Variants in ADAMTS18 observed in about 807,000 individuals in gnomAD.
The protein encoded by ADAMTS18 is ADAM metallopeptidase with thrombospondin type 1 motif 18, also known as A disintegrin and metalloproteinase with thrombospondin motifs 18.
Under a neutral mutation model 165.9 loss-of-function variants are expected in ADAMTS18, and 157 were observed. The ratio of observed to expected loss-of-function variants is 0.95; its 90% CI spans 0.83 to 1.08. The LOEUF is 1.08. Among genes scored for constraint, ADAMTS18 ranks in the 50% least tolerant of loss-of-function variants. The pLI, the probability that ADAMTS18 is intolerant of heterozygous loss-of-function variation, is 0.00. For missense variants in ADAMTS18, 2,040 were observed against 1,534.0 expected (o/e 1.33, Z -5.51); for synonymous variants, 782 against 578.2 (o/e 1.35, Z -5.06).
chr16:77,356,221 T>A, intron 8 of ADAMTS18, 144 bp from the exon 9 acceptor site: 1 of 1,016,908 alleles, frequency 9.8e-7, no homozygotes, highest in Non-Finnish European at 1.5e-6. Flanking sequence ...GAAAGGCAAA[T>A]TACTATAGAT....
At chr16:77,415,586 C>T (rs981080394) in intron 3 of ADAMTS18, among the ~76,000 whole-genome samples, 3 of 152,092 alleles carry the variant, frequency 2.0e-5, no homozygotes, top group African/African-American at 7.2e-5. Flanking sequence ...TCAACGATAT[C>T]TGATGTTCTG....
At chr16:77,336,936 G>C (rs984003803) in intron 11 of ADAMTS18, among the ~76,000 whole-genome samples, 1 of 152,170 alleles carries the variant, frequency 6.6e-6, no homozygotes, top group African/African-American at 2.4e-5. Context: ...GTTTTGCTGA[G>C]GAATTGGGGG....
intron 16 of ADAMTS18, among the ~76,000 whole-genome samples, chr16:77,303,558 C>G (rs1490676151): frequency 3.3e-5 from 5 of 152,010 alleles, no homozygotes; most frequent in African/African-American, 1.2e-4. Flanking sequence ...CATATCTTAC[C>G]ACCTCATATG....
rs114299926 is a variant in ADAMTS18, at chr16:77,283,655, A to G, written c.*301T>C. ...AAGTTCAAAAGGGGGTCTCTCCCCAAATCGACGTATCTCAGTGTGATTCAC... is the reference window on the plus strand; with the variant it reads ...AAGTTCAAAAGGGGGTCTCTCCCCAGATCGACGTATCTCAGTGTGATTCAC... On this transcript the variant is annotated 3_prime_UTR_variant, in exon 23 of 23. Transcript: ENST00000282849. The G allele has an allele frequency of 2.0e-3, 693 of 345,820 alleles. 6 individuals carry two copies. The highest frequency in any genetic ancestry group is 0.013 in the African/African-American group (623 of 47,320). The allele number at this position is 345,820 out of a possible 1,614,324, so 21.4% of individuals were successfully genotyped here. A position where few individuals can be genotyped will look rare whatever the true frequency, so the allele number is the denominator to read the frequency against.
At chr16:77,320,977 C>T in intron 15 of ADAMTS18, 102 bp downstream of exon 15, 1 of 1,389,808 alleles carries the variant, frequency 7.2e-7, no homozygotes, top group Non-Finnish European at 1.0e-6. Flanking sequence ...CTAGTGTGTC[C>T]AGTGAACTAG....
At chr16:77,290,985 A>AACAGCAATGACCAACATTAGCT in intron 21 of ADAMTS18, 1 of 488,966 alleles carries the variant, frequency 2.0e-6, no homozygotes, top group Non-Finnish European at 3.7e-6. Flanking sequence ...CAACATTAGC[A>AACAGCAATGACCAACATTAGCT]GTGTATAACT....
intron 13 of ADAMTS18, among the ~76,000 whole-genome samples, chr16:77,322,860 C>G (rs1292607295): frequency 2.6e-5 from 4 of 151,986 alleles, no homozygotes; most frequent in African/African-American, 7.3e-5. Context: ...AAATACACAC[C>G]AGATTTGGCC....
intron 8 of ADAMTS18, among the ~76,000 whole-genome samples, chr16:77,356,901 C>A (rs906566749): frequency 6.6e-6 from 1 of 150,900 alleles, no homozygotes; most frequent in Non-Finnish European, 1.5e-5. Context: ...TTACTTCAGG[C>A]GATGTTAAAG....
At chr16:77,295,656 T>C (rs1413122395) in intron 18 of ADAMTS18, among the ~76,000 whole-genome samples, 1 of 152,026 alleles carries the variant, frequency 6.6e-6, no homozygotes, top group Non-Finnish European at 1.5e-5. Flanking sequence ...GAGAGAGGGG[T>C]ACATTTAGAG....
intron 10 of ADAMTS18, among the ~76,000 whole-genome samples, chr16:77,348,157 G>C (rs2056504762): frequency 6.6e-6 from 1 of 152,076 alleles, no homozygotes; most frequent in South Asian, 2.1e-4. Context: ...ATCTTGCTCA[G>C]ATTATTTAAC....
intron 16 of ADAMTS18, among the ~76,000 whole-genome samples, chr16:77,311,460 G>A (rs547287856): frequency 6.6e-6 from 1 of 152,206 alleles, no homozygotes; most frequent in South Asian, 2.1e-4. Flanking sequence ...TACAGCCATG[G>A]ATCACTTGGA....
Position 77,317,973 on chromosome 16 carries a change from T to G in ADAMTS18, c.2532+1876A>C, listed in dbSNP as rs935411019. On this transcript the variant is annotated intron_variant, in intron 16 of 22. Transcript: ENST00000282849. ...CCCTGAGATGATTGAGGACACAGCA[T>G]GCTGTCAGCCCAGAAAACAAGCACT... is the stretch of plus-strand genomic sequence containing the variant. Among the ~76,000 whole-genome samples the G allele has an allele frequency of 3.3e-5, 5 of 152,184 alleles. No individual in the cohort carries two copies. In the South Asian group the frequency reaches 8.3e-4, roughly 25 times the overall value.
chr16:77,397,251 G>A (rs1021169884), intron 3 of ADAMTS18, among the ~76,000 whole-genome samples: 5 of 152,162 alleles, frequency 3.3e-5, no homozygotes, highest in Admixed American at 3.3e-4. Context: ...GAAACTTTGT[G>A]TATTTATTCC....
intron 21 of ADAMTS18, among the ~76,000 whole-genome samples, chr16:77,290,238 G>A (rs922122642): frequency 3.9e-5 from 6 of 152,088 alleles, no homozygotes; most frequent in African/African-American, 1.4e-4. Context: ...GGCTGTATAG[G>A]CATACGGCCT....
chr16:77,308,297 CTTTG>C (rs1416903760), intron 16 of ADAMTS18, among the ~76,000 whole-genome samples: 1 of 152,194 alleles, frequency 6.6e-6, no homozygotes, highest in South Asian at 2.1e-4. Flanking sequence ...TACTGAATCA[CTTTG>C]TTTATCAGAC....
rs113490262 is a variant in ADAMTS18 at position 77,364,530 on chromosome 16, A to G, written c.779-149T>C. 3,375 of 836,148 alleles carry G rather than the reference A, an allele frequency of 4.0e-3. 95 individuals carry two copies. The African/African-American group carries it at 0.054, about 13-fold the overall frequency. 51.8% of individuals were successfully genotyped at this position (836,148 alleles called of 1,614,324 possible). On this transcript the variant is annotated intron_variant, in intron 4 of 22. Coordinates refer to ENST00000282849, the MANE Select transcript of ADAMTS18 (RefSeq NM_199355.4). ...CAAGTGATGCTATCAGTGCCTGCCC[A>G]GGTGCCTTGCATCTAGTATGTGGTC...
At chr16:77,306,241 T>G (rs888569939) in intron 16 of ADAMTS18, among the ~76,000 whole-genome samples, 1 of 152,146 alleles carries the variant, frequency 6.6e-6, no homozygotes, top group Non-Finnish European at 1.5e-5. Context: ...ATAGAGATGT[T>G]TAATGTCTAC....
chr16:77,290,169 C>T (rs2055335058), intron 21 of ADAMTS18, among the ~76,000 whole-genome samples: 1 of 152,138 alleles, frequency 6.6e-6, no homozygotes. Context: ...ATCAAATTAT[C>T]TAAACTAGGA....
In ADAMTS18 at chr16:77,335,858, C is replaced by T. The variant is rs200305277; in HGVS notation, c.1757G>A (p.Arg586Gln). 35 of 1,614,040 alleles carry T rather than the reference C, an allele frequency of 2.2e-5. No homozygotes were observed. Among genetic ancestry groups the T allele is most frequent in the South Asian group, 4.4e-5 (4 of 91,086 alleles). Residue 586 changes from arginine to glutamine, a missense_variant, in exon 12 of 23, where the codon CGG becomes CAG. By Grantham distance (43) the Arg-to-Gln change is conservative. Transcript: ENST00000282849. Reference sequence around the variant, plus strand: ...GGCGGACCACTGGCCGTGGATGGGCCGGGGCCCGAGCTCCCCAAACTTTAC... The same window carrying T: ...GGCGGACCACTGGCCGTGGATGGGCTGGGGCCCGAGCTCCCCAAACTTTAC... ...QCVKFGELGP[R>Q]PIHGQWSAWS... is the part of the protein sequence containing the mutation.
Sources: gnomAD v4.1 joint callset for allele counts (sites outside exome capture counted in the v4.1 genomes callset) on GRCh38, gnomAD v4.1.1 for gene constraint, MANE v1.5 for transcripts, NCBI Gene and HGNC (gene_info 2026-07-23, HGNC 2026-07-21) for gene names.